Variants in FREM1 observed in about 807,000 individuals in gnomAD.
FREM1 encodes the protein FRAS1 related extracellular matrix 1.
A neutral mutation model predicts 210.1 loss-of-function variants in FREM1; 220 were observed. That is an observed-to-expected ratio of 1.05 (90% confidence interval 0.94 to 1.17). The LOEUF (loss-of-function observed/expected upper bound fraction) is 1.17, where lower values mean the gene tolerates loss of function less well. Ranked by LOEUF, FREM1 falls within the 50% of genes most tolerant of loss-of-function variation. The pLI, the probability that FREM1 is intolerant of heterozygous loss-of-function variation, is 0.00. For missense variants in FREM1, 3,454 were observed against 2,675.5 expected (o/e 1.29, Z -6.42); for synonymous variants, 1,189 against 980.2 (o/e 1.21, Z -3.98).
intron 24 of FREM1, among the ~76,000 whole-genome samples, chr9:14,780,307 T>C (rs978685281): frequency 6.6e-6 from 1 of 152,042 alleles, no homozygotes; most frequent in Non-Finnish European, 1.5e-5. Flanking sequence ...CCTGGTCTGA[T>C]TTCACCATTA....
Position 14,903,567 on chromosome 9 carries a change from C to T in FREM1, c.-268+6347G>A, listed in dbSNP as rs1239792370. On this transcript the variant is annotated intron_variant, in intron 1 of 36. Transcript: ENST00000380880. ...AGGATTCCGTAAGACCTCATCATTT[C>T]ATCTGGAAAGACTTCCTTCCTCCGA... Among the ~76,000 whole-genome samples, 8 of 152,266 alleles carry T rather than the reference C, an allele frequency of 5.3e-5. No individual in the cohort carries two copies. In the East Asian group the frequency reaches 1.4e-3, roughly 26 times the overall value.
rs773378463 is a variant in FREM1, at chr9:14,764,139, C to T, written c.5205-4238G>A. Reference sequence around the variant, plus strand: ...AGTCTCACGAGATCTGATGACTTTACGAGGGGTTTCCCTTTTCACTTGGCT... The same window carrying T: ...AGTCTCACGAGATCTGATGACTTTATGAGGGGTTTCCCTTTTCACTTGGCT... On this transcript the variant is annotated intron_variant, in intron 27 of 36. Coordinates refer to ENST00000380880, the MANE Select transcript of FREM1 (RefSeq NM_001379081.2). Among the ~76,000 whole-genome samples the T allele has an allele frequency of 1.2e-4, 18 of 152,152 alleles. 1 individual carries two copies. The highest frequency in any genetic ancestry group is 2.0e-4 in the Admixed American group (3 of 15,268).
chr9:14,832,804 G>A (rs973712352), intron 10 of FREM1, among the ~76,000 whole-genome samples: 1 of 152,044 alleles, frequency 6.6e-6, no homozygotes, highest in Admixed American at 6.5e-5. Context: ...TATGTTCTCA[G>A]TAAATGTATA....
chr9:14,875,520 C>G (rs1048411069), intron 1 of FREM1, among the ~76,000 whole-genome samples: 1 of 152,230 alleles, frequency 6.6e-6, no homozygotes. Context: ...TGGCTTTCAG[C>G]TCCATCAGTG....
intron 10 of FREM1, among the ~76,000 whole-genome samples, chr9:14,829,015 A>T (rs555665823): frequency 6.6e-6 from 1 of 152,244 alleles, no homozygotes. Flanking sequence ...CAGAGCTGTT[A>T]TAAGGATCAA....
intron 13 of FREM1, among the ~76,000 whole-genome samples, chr9:14,820,909 G>A (rs1169796920): frequency 2.6e-5 from 4 of 152,144 alleles, no homozygotes; most frequent in Non-Finnish European, 5.9e-5. Flanking sequence ...TTTCTGAGCT[G>A]TATTGAATTA....
chr9:14,899,704 A>G (rs1409135087), intron 1 of FREM1, among the ~76,000 whole-genome samples: 2 of 152,232 alleles, frequency 1.3e-5, no homozygotes, highest in Non-Finnish European at 1.5e-5. Flanking sequence ...GGCTATATTC[A>G]AAATATTGGT....
chr9:14,769,655 C>T (rs1847161839), intron 27 of FREM1, 69 bp downstream of exon 27: 2 of 1,465,224 alleles, frequency 1.4e-6, no homozygotes, highest in East Asian at 4.9e-5. Flanking sequence ...AAGAACATTT[C>T]ACTTTCCTAA....
chr9:14,757,030 C>T (rs1844514733), intron 28 of FREM1, among the ~76,000 whole-genome samples: 1 of 149,956 alleles, frequency 6.7e-6, no homozygotes, highest in African/African-American at 2.5e-5. Context: ...AACCGGAAGA[C>T]CTGGTGAACA....
rs1016487209 is a variant in FREM1 at position 14,747,067 on chromosome 9, G to A, written c.6010-16C>T. 1 of 1,612,478 alleles carries A rather than the reference G, an allele frequency of 6.2e-7. No homozygotes were observed. The highest frequency in any genetic ancestry group is 8.5e-7 in the Non-Finnish European group (1 of 1,179,200). ...GCAACTGGTCCTTTGGGAAGGAAAG[G>A]CAATTTAGCAATTTAGAATTGACTT... is the stretch of plus-strand genomic sequence containing the variant. On this transcript the variant is annotated splice_polypyrimidine_tract_variant and intron_variant, in intron 33 of 36. Coordinates refer to ENST00000380880, the MANE Select transcript of FREM1 (RefSeq NM_001379081.2).
chr9:14,869,521 A>G (rs1388678351), intron 1 of FREM1, among the ~76,000 whole-genome samples: 1 of 152,246 alleles, frequency 6.6e-6, no homozygotes, highest in Non-Finnish European at 1.5e-5. Flanking sequence ...AGGAGGAAAC[A>G]GCCAGCCTTA....
intron 29 of FREM1, among the ~76,000 whole-genome samples, chr9:14,754,993 C>T (rs1024912648): frequency 1.8e-4 from 27 of 152,028 alleles, no homozygotes; most frequent in Non-Finnish European, 1.2e-4. Context: ...GAGAACGCTA[C>T]GTGAAGATGA....
rs560297348 is a variant in FREM1 at position 14,830,993 on chromosome 9, C to T, written c.1882-6001G>A. Among the ~76,000 whole-genome samples the T allele has an allele frequency of 2.4e-3, 363 of 152,292 alleles. 3 individuals carry two copies. Among genetic ancestry groups the T allele is most frequent in the Non-Finnish European group, 4.4e-3 (298 of 68,018 alleles). On this transcript the variant is annotated intron_variant, in intron 10 of 36. Transcript: ENST00000380880. The stretch of plus-strand genomic sequence containing the variant: ...AGTATATACGCTTATTGTTGGCTAC[C>T]GTACTCAAGTCACGGATATAAGGCT...
intron 27 of FREM1, among the ~76,000 whole-genome samples, chr9:14,765,613 C>G (rs10756611): frequency 0.26 from 39,206 of 151,936 alleles, 5,194 homozygotes; most frequent in African/African-American, 0.29. Context: ...CAGGTATTAG[C>G]TAGCCAAACA....
intron 26 of FREM1, 89 bp from the exon 27 acceptor site, chr9:14,769,957 CACAGCTTTAAAAA>C (rs2132482872): frequency 4.7e-6 from 3 of 633,558 alleles, no homozygotes; most frequent in Non-Finnish European, 7.7e-6. Context: ...TTATTTTAAA[CACAGCTTTAAAAA>C]ACAGCTAAAG....
At chr9:14,797,758 G>A in intron 20 of FREM1, 116 bp from the exon 21 acceptor site, 2 of 690,882 alleles carry the variant, frequency 2.9e-6, no homozygotes, top group Non-Finnish European at 4.6e-6. Context: ...TCATTTATCA[G>A]TGCAGTAGGG....
Position 14,859,354 on chromosome 9 carries a change from T to A in FREM1, c.460A>T (p.Ile154Phe). 6.2e-7 allele frequency: 1 copy of A among 1,613,928 alleles called. No homozygotes were observed. The highest frequency in any genetic ancestry group is 1.1e-5 in the South Asian group (1 of 91,062). The part of the protein sequence containing the change: ...VPEFNGLSQA[I>F]DKNLLRFDYD... ...TCGAATCTGAGCAGATTTTTATCAA[T>A]CGCTTGGGACAAGCCATTGAATTCA... The change falls in exon 4 of 37, where the codon ATT (isoleucine) becomes TTT (phenylalanine). Residue 154 changes from isoleucine (I) to phenylalanine (F), a missense_variant. Physicochemically the swap from Ile to Phe is conservative, Grantham distance 21. Transcript: ENST00000380880.
At chr9:14,781,063 G>A (rs976553343) in intron 24 of FREM1, among the ~76,000 whole-genome samples, 2 of 152,126 alleles carry the variant, frequency 1.3e-5, no homozygotes, top group African/African-American at 2.4e-5. Context: ...TTGGTACAAC[G>A]AGGTATAATG....
At chr9:14,813,632 G>C (rs969414733) in intron 15 of FREM1, among the ~76,000 whole-genome samples, 1 of 151,876 alleles carries the variant, frequency 6.6e-6, no homozygotes, top group Non-Finnish European at 1.5e-5. Flanking sequence ...GTTTCATCCC[G>C]ACAAAATGTT....
Sources: gnomAD v4.1 joint callset for allele counts (sites outside exome capture counted in the v4.1 genomes callset) on GRCh38, gnomAD v4.1.1 for gene constraint, MANE v1.5 for transcripts, NCBI Gene and HGNC (gene_info 2026-07-23, HGNC 2026-07-21) for gene names.